VLDLR: variants seen among roughly 807,000 people sequenced by gnomAD.
VLDLR encodes very low-density lipoprotein receptor.
A neutral mutation model predicts 112.7 loss-of-function variants in VLDLR; 81 were observed. The observed-to-expected ratio is 0.72, with a 90% CI of 0.60 to 0.86. The LOEUF is 0.86. Ranked by LOEUF, VLDLR falls within the 40% of genes least tolerant of loss-of-function variation. The pLI is 0.00. For missense variants in VLDLR, 1,237 were observed against 1,099.4 expected (o/e 1.13, Z -1.77); for synonymous variants, 436 against 384.8 (o/e 1.13, Z -1.56).
At chr9:2,639,121 A>G (rs1817721650) in intron 2 of VLDLR, among the ~76,000 whole-genome samples, 1 of 152,228 alleles carries the variant, frequency 6.6e-6, no homozygotes, top group African/African-American at 2.4e-5. Flanking sequence ...TGTCACAAAA[A>G]TACCATAAGT....
Position 2,648,356 on chromosome 9 carries a change from T to C in VLDLR, c.1962+9T>C. On this transcript the variant is annotated intron_variant, in intron 13 of 18. Transcript: ENST00000382100. ...CACTAACAATATTTGAGGTAAGATG[T>C]GTCTCACATCAAAGTGTGTACCTTT... 1 of 1,614,168 alleles carries C rather than the reference T, an allele frequency of 6.2e-7. No individual in the cohort carries two copies. Among genetic ancestry groups the C allele is most frequent in the Non-Finnish European group, 8.5e-7 (1 of 1,180,012 alleles).
intron 1 of VLDLR, among the ~76,000 whole-genome samples, chr9:2,633,842 G>A (rs927961624): frequency 2.9e-4 from 44 of 152,276 alleles, no homozygotes; most frequent in Admixed American, 7.8e-4. Flanking sequence ...TAAGAATCCA[G>A]TGGCAATGAG....
At chr9:2,642,010 T>A (rs1046341538) in intron 4 of VLDLR, among the ~76,000 whole-genome samples, 2 of 152,048 alleles carry the variant, frequency 1.3e-5, no homozygotes, top group African/African-American at 4.8e-5. Context: ...ATTAACATCT[T>A]GCCTCAGATA....
Position 2,645,756 on chromosome 9 carries a change from G to T in VLDLR, c.1484+11G>T, listed in dbSNP as rs1364304040. ...AAAGGCTATCTTCAGGTAACTTTCAGTTCCTTTTGTGGTGTCTTGACATAA... is the reference window on the plus strand; with the variant it reads ...AAAGGCTATCTTCAGGTAACTTTCATTTCCTTTTGTGGTGTCTTGACATAA... On this transcript the variant is annotated intron_variant, in intron 10 of 18. Coordinates refer to ENST00000382100, the MANE Select transcript of VLDLR (RefSeq NM_003383.5). 3.1e-6 allele frequency: 5 copies of T among 1,613,952 alleles called. No homozygotes were observed. In the South Asian group the frequency reaches 5.5e-5, roughly 18 times the overall value.
chr9:2,628,524 A>G (rs930204505), intron 1 of VLDLR, among the ~76,000 whole-genome samples: 5 of 152,220 alleles, frequency 3.3e-5, no homozygotes, highest in Non-Finnish European at 7.3e-5. Context: ...GATAGTGGTA[A>G]GCCAAGAAAT....
chr9:2,624,982 C>G (rs1290691213), intron 1 of VLDLR, among the ~76,000 whole-genome samples: 3 of 152,188 alleles, frequency 2.0e-5, no homozygotes, highest in Non-Finnish European at 4.4e-5. Context: ...CCTGAGTCCC[C>G]AGATACTTAA....
At position 2,643,740 on chromosome 9, in the gene VLDLR, C is replaced by G. The variant is rs1458004771; in HGVS notation, c.933C>G (p.Asn311Lys). 16 of 1,614,162 alleles carry G rather than the reference C, an allele frequency of 9.9e-6. No homozygotes were observed. Among genetic ancestry groups the G allele is most frequent in the Non-Finnish European group, 1.2e-5 (14 of 1,180,020 alleles). The change falls in exon 6 of 19, where the codon AAC (asparagine) becomes AAG (lysine). Residue 311 changes from asparagine to lysine, a missense_variant. Asn to Lys is a moderately conservative substitution (Grantham distance 94, BLOSUM62 0). Coordinates refer to ENST00000382100, the MANE Select transcript of VLDLR (RefSeq NM_003383.5). ...GTGTCGATGGTTCCGATGAAGTCAACTGCAAAAATGGTAAGGGTTTCTTCT... is the reference window on the plus strand; with the variant it reads ...GTGTCGATGGTTCCGATGAAGTCAAGTGCAAAAATGGTAAGGGTTTCTTCT... ...RDCVDGSDEV[N>K]CKNVNQCLGP...
intron 1 of VLDLR, among the ~76,000 whole-genome samples, chr9:2,629,372 G>T (rs1302242597): frequency 6.6e-6 from 1 of 152,228 alleles, no homozygotes; most frequent in Non-Finnish European, 1.5e-5. Flanking sequence ...TAAAAACTTA[G>T]AATGAGGAAG....
chr9:2,631,663 G>A (rs1046799537), intron 1 of VLDLR, among the ~76,000 whole-genome samples: 1 of 150,072 alleles, frequency 6.7e-6, no homozygotes, highest in Non-Finnish European at 1.5e-5. Flanking sequence ...TCAGAAGTAG[G>A]GGGAAAGGGA....
At chr9:2,645,177 A>T in intron 9 of VLDLR, 95 bp downstream of exon 9, 1 of 1,579,068 alleles carries the variant, frequency 6.3e-7, no homozygotes. Flanking sequence ...ACTAAACATG[A>T]AATTGTACTT....
chr9:2,623,486 T>A (rs2130752943), intron 1 of VLDLR, among the ~76,000 whole-genome samples: 1 of 152,298 alleles, frequency 6.6e-6, no homozygotes, highest in African/African-American at 2.4e-5. Context: ...CGGCCTGCAG[T>A]CACGTGCTCC....
At chr9:2,645,775 G>A (rs766945318) in intron 10 of VLDLR, 30 bp downstream of exon 10, 4 of 1,613,626 alleles carry the variant, frequency 2.5e-6, no homozygotes, top group Non-Finnish European at 3.4e-6. Flanking sequence ...GTGGTGTCTT[G>A]ACATAAGTCA....
At chr9:2,639,720 TG>T in intron 2 of VLDLR, 138 bp from the exon 3 acceptor site, 1 of 1,235,004 alleles carries the variant, frequency 8.1e-7, no homozygotes, top group Non-Finnish European at 1.2e-6. Context: ...AAGTTTCCCC[TG>T]GATATTGGCA....
At chr9:2,646,660 C>A in intron 11 of VLDLR, 108 bp downstream of exon 11, 1 of 1,083,482 alleles carries the variant, frequency 9.2e-7, no homozygotes, top group Non-Finnish European at 1.4e-6. Flanking sequence ...GAGCCTTCTG[C>A]AACAAAGAAT....
At chr9:2,636,334 T>C (rs1454500112) in intron 2 of VLDLR, among the ~76,000 whole-genome samples, 1 of 152,254 alleles carries the variant, frequency 6.6e-6, no homozygotes, top group South Asian at 2.1e-4. Flanking sequence ...TGAATATTGG[T>C]GCTAACATTG....
chr9:2,630,783 AAG>A (rs1817314588), intron 1 of VLDLR, among the ~76,000 whole-genome samples: 1 of 152,224 alleles, frequency 6.6e-6, no homozygotes, highest in African/African-American at 2.4e-5. Flanking sequence ...GAATTTATGA[AAG>A]AGACCTCAAA....
intron 2 of VLDLR, among the ~76,000 whole-genome samples, chr9:2,638,767 A>C (rs1295316413): frequency 6.6e-6 from 1 of 152,230 alleles, no homozygotes; most frequent in Non-Finnish European, 1.5e-5. Context: ...GACCTGCCCC[A>C]GGAAGAATTA....
chr9:2,621,897 C>G lies in VLDLR; in HGVS notation c.-293C>G. On this transcript the variant is annotated 5_prime_UTR_variant, in exon 1 of 19. Transcript: ENST00000382100. ...CCCCCTCTCCCTTCCCTCCTCTCCCCTTGCCTCCCCTCCTCTGCAGCGCCT... is the reference window on the plus strand; with the variant it reads ...CCCCCTCTCCCTTCCCTCCTCTCCCGTTGCCTCCCCTCCTCTGCAGCGCCT... The G allele has an allele frequency of 1.6e-6, 1 of 621,750 alleles. No homozygotes were observed. Among genetic ancestry groups the G allele is most frequent in the East Asian group, 3.3e-5 (1 of 30,220 alleles). 38.5% of individuals were successfully genotyped at this position (621,750 alleles called of 1,614,324 possible).
Position 2,643,142 on chromosome 9 carries a change from C to T in VLDLR, c.449-18C>T. ...CAATCTTGATGCATTTTCAGTGGGGCATCCTCTCTCTTAATAGGCAATATA... is the reference window on the plus strand; with the variant it reads ...CAATCTTGATGCATTTTCAGTGGGGTATCCTCTCTCTTAATAGGCAATATA... On this transcript the variant is annotated intron_variant, in intron 4 of 18. Transcript: ENST00000382100. The T allele has an allele frequency of 6.2e-7, 1 of 1,606,246 alleles. No individual in the cohort carries two copies. The highest frequency in any genetic ancestry group is 1.3e-5 in the African/African-American group (1 of 75,042).
Sources: allele counts gnomAD v4.1 joint callset (sites outside exome capture counted in the v4.1 genomes callset), GRCh38; gene constraint gnomAD v4.1.1; transcripts MANE v1.5; gene names NCBI Gene and HGNC (gene_info 2026-07-23, HGNC 2026-07-21).